BAZ2B: variants seen among roughly 807,000 people sequenced by gnomAD.
BAZ2B encodes bromodomain adjacent to zinc finger domain 2B.
BAZ2B carries 91 observed loss-of-function variants against 246.0 expected under a neutral mutation model. The observed-to-expected ratio is 0.37, with a 90% CI of 0.31 to 0.44. The LOEUF (loss-of-function observed/expected upper bound fraction) is 0.44, where lower values mean the gene tolerates loss of function less well. BAZ2B is among the 20% of genes least tolerant of loss of function. BAZ2B has a pLI of 1.00. For synonymous variants in BAZ2B, 855 were observed against 860.0 expected, an observed-to-expected ratio of 0.99 and a Z score of 0.10; for missense variants, 2,332 against 2,533.7, an observed-to-expected ratio of 0.92 and a Z score of 1.71.
intron 16 of BAZ2B, among the ~76,000 whole-genome samples, chr2:159,401,225 T>C (rs2065014749): frequency 6.6e-6 from 1 of 152,216 alleles, no homozygotes; most frequent in Admixed American, 6.5e-5. Flanking sequence ...GATTAAACTA[T>C]ATAGCCTGAA....
intron 25 of BAZ2B, among the ~76,000 whole-genome samples, chr2:159,377,496 A>G (rs2061520786): frequency 6.6e-6 from 1 of 152,168 alleles, no homozygotes; most frequent in Admixed American, 6.5e-5. Flanking sequence ...AAATCTATTT[A>G]ACTCTATAAT....
At chr2:159,404,939 C>T (rs373318595) in intron 15 of BAZ2B, 29 bp from the exon 16 acceptor site, 2 of 1,611,636 alleles carry the variant, frequency 1.2e-6, no homozygotes, top group African/African-American at 2.7e-5. Context: ...TAGATATCAT[C>T]AAAAAGGGAA....
At position 159,438,246 on chromosome 2, in the gene BAZ2B, T is replaced by C. The variant is rs181309724; in HGVS notation, c.1293+57A>G. 23 of 1,443,282 alleles carry C rather than the reference T, an allele frequency of 1.6e-5. 1 individual carries two copies. Among genetic ancestry groups the C allele is most frequent in the East Asian group, 2.3e-5 (1 of 43,470 alleles). 89.4% of individuals were successfully genotyped at this position (1,443,282 alleles called of 1,614,324 possible). A position where few individuals can be genotyped will look rare whatever the true frequency, so the allele number is the denominator to read the frequency against. ...TAAACTTGTGTATTGTAAGACAATA[T>C]AGAAGCTCTATCTTTCTCTAATAGT... is the stretch of plus-strand genomic sequence containing the variant. On this transcript the variant is annotated intron_variant, in intron 8 of 36. Transcript: ENST00000392783.
chr2:159,489,614 G>T (rs1030329692), intron 2 of BAZ2B, among the ~76,000 whole-genome samples: 1 of 152,122 alleles, frequency 6.6e-6, no homozygotes, highest in African/African-American at 2.4e-5. Context: ...TTGAAATCTA[G>T]ACTGAAATGC....
At chr2:159,643,640 C>T in the BAZ2B span, among the ~76,000 whole-genome samples, 23 of 152,032 alleles carry the variant, frequency 1.5e-4, no homozygotes, top group South Asian at 6.2e-4. Context: ...TTTGGGAGTC[C>T]GAGGTAGGTG....
intron 27 of BAZ2B, among the ~76,000 whole-genome samples, chr2:159,355,574 C>T (rs6737543): frequency 0.054 from 8,276 of 152,190 alleles, 561 homozygotes; most frequent in African/African-American, 0.16. Context: ...AATGGAAGAA[C>T]AGTATTCATA....
intron 19 of BAZ2B, 93 bp from the exon 20 acceptor site, chr2:159,395,927 C>T: frequency 1.8e-6 from 2 of 1,092,632 alleles, no homozygotes; most frequent in Non-Finnish European, 2.7e-6. Context: ...AAAACAAAAA[C>T]TCAGTATAGC....
At chr2:159,347,688 G>T in intron 30 of BAZ2B, 42 bp from the exon 31 acceptor site, 1 of 1,492,178 alleles carries the variant, frequency 6.7e-7, no homozygotes, top group Non-Finnish European at 9.1e-7. Flanking sequence ...CACTTATTAA[G>T]CTTTTCCCCA....
chr2:159,686,506 C>A, the BAZ2B span, among the ~76,000 whole-genome samples: 1 of 152,106 alleles, frequency 6.6e-6, no homozygotes, highest in South Asian at 2.1e-4. Flanking sequence ...CTGTCAGAGT[C>A]ATGAAAAACA....
At chr2:159,336,749 T>G (rs2065738152) in intron 33 of BAZ2B, among the ~76,000 whole-genome samples, 193 bp downstream of exon 33, 1 of 152,062 alleles carries the variant, frequency 6.6e-6, no homozygotes, top group Admixed American at 6.6e-5. Context: ...TTTTAAAAAA[T>G]AAAAGATAAC....
At chr2:159,668,667 T>C in the BAZ2B span, among the ~76,000 whole-genome samples, 34 of 152,306 alleles carry the variant, frequency 2.2e-4, no homozygotes, top group South Asian at 8.3e-4. Context: ...TTTCTGTTCT[T>C]ATCTTTATTC....
At chr2:159,384,510 T>C (rs1351701280) in intron 23 of BAZ2B, among the ~76,000 whole-genome samples, 1 of 152,060 alleles carries the variant, frequency 6.6e-6, no homozygotes, top group East Asian at 1.9e-4. Context: ...GGACTAAAAG[T>C]TGTTAAAAAT....
At position 159,433,138 on chromosome 2, in the gene BAZ2B, G is replaced by A. The variant is rs781013277; in HGVS notation, c.1519C>T (p.Leu507=). 1 of 1,614,212 alleles carries A rather than the reference G, an allele frequency of 6.2e-7. No individual in the cohort carries two copies. The highest frequency in any genetic ancestry group is 1.1e-5 in the South Asian group (1 of 91,086). Reference sequence around the variant, plus strand: ...ATTTTAGTTTTGGTAGTAAGTGCTAGAGGAGCTTCTTGAATGACACTTTGA... The same window carrying A: ...ATTTTAGTTTTGGTAGTAAGTGCTAAAGGAGCTTCTTGAATGACACTTTGA... The part of the protein sequence containing the change: ...VIQSVIQEAP[L]ALTTKTKMQS... The change falls in exon 9 of 37, where the codon CTA becomes TTA. Residue 507 remains leucine (L), a synonymous_variant. Coordinates refer to ENST00000392783, the MANE Select transcript of BAZ2B (RefSeq NM_013450.4).
At chr2:159,572,471 C>T (rs1684255444) in intron 1 of BAZ2B, among the ~76,000 whole-genome samples, 1 of 152,066 alleles carries the variant, frequency 6.6e-6, no homozygotes, top group Non-Finnish European at 1.5e-5. Flanking sequence ...ATTGTTGAGA[C>T]AAAGTTGGTG....
intron 27 of BAZ2B, among the ~76,000 whole-genome samples, chr2:159,361,659 T>C (rs1447207350): frequency 6.6e-6 from 1 of 152,224 alleles, no homozygotes; most frequent in Non-Finnish European, 1.5e-5. Context: ...TGCACATGTA[T>C]GTTTATTGCA....
intron 2 of BAZ2B, among the ~76,000 whole-genome samples, chr2:159,495,480 G>A (rs1296852568): frequency 6.3e-5 from 3 of 47,840 alleles, no homozygotes; most frequent in Non-Finnish European, 1.0e-4. Context: ...GCGAGACTCC[G>A]TCTCAAAAAA....
chr2:159,326,860 A>G (rs879707664), intron 34 of BAZ2B, among the ~76,000 whole-genome samples: 14 of 152,202 alleles, frequency 9.2e-5, no homozygotes, highest in Middle Eastern at 3.2e-3. Flanking sequence ...GTTAAATGTT[A>G]TAATAAATAT....
chr2:159,649,315 A>G, the BAZ2B span, among the ~76,000 whole-genome samples: 1 of 151,904 alleles, frequency 6.6e-6, no homozygotes, highest in Non-Finnish European at 1.5e-5. Flanking sequence ...GGAGACACTG[A>G]CAGATCATCA....
chr2:159,577,583 C>T (rs1421433856), intron 1 of BAZ2B, among the ~76,000 whole-genome samples: 2 of 152,108 alleles, frequency 1.3e-5, no homozygotes, highest in African/African-American at 4.8e-5. Flanking sequence ...CTGCTTGATC[C>T]AAGCAAATGT....
Sources: allele counts gnomAD v4.1 joint callset (sites outside exome capture counted in the v4.1 genomes callset), GRCh38; gene constraint gnomAD v4.1.1; transcripts MANE v1.5; gene names NCBI Gene and HGNC (gene_info 2026-07-23, HGNC 2026-07-21).